The following GASK1B variants were observed in gnomAD, a reference collection of about 807,000 sequenced individuals.
The protein encoded by GASK1B is Golgi-associated kinase 1B.
GASK1B carries 34 observed loss-of-function variants against 42.8 expected under a neutral mutation model. The observed-to-expected ratio is 0.79, with a 90% CI of 0.60 to 1.06. The LOEUF (loss-of-function observed/expected upper bound fraction) is 1.06, where lower values mean the gene tolerates loss of function less well. Ranked by LOEUF, GASK1B falls within the 50% of genes least tolerant of loss-of-function variation. The pLI is 0.00. For missense variants in GASK1B, 686 were observed against 661.0 expected (o/e 1.04, Z -0.42); for synonymous variants, 262 against 259.1 (o/e 1.01, Z -0.11).
chr4:158,146,258 T>C (rs186346999), intron 3 of GASK1B, among the ~76,000 whole-genome samples: 1 of 152,244 alleles, frequency 6.6e-6, no homozygotes, highest in East Asian at 1.9e-4. Context: ...TTGAGAAATT[T>C]ATAGTTTGTC....
chr4:158,147,903 AAAATATAAATAATCAAT>A, intron 3 of GASK1B, among the ~76,000 whole-genome samples: 1 of 152,372 alleles, frequency 6.6e-6, no homozygotes, highest in Non-Finnish European at 1.5e-5. Flanking sequence ...CACAGAAAGT[AAAATATAAATAATCAAT>A]AAATATTTGA....
At chr4:158,152,249 C>T (rs954789890) in intron 3 of GASK1B, among the ~76,000 whole-genome samples, 7 of 152,120 alleles carry the variant, frequency 4.6e-5, no homozygotes, top group Admixed American at 1.3e-4. Context: ...TGTGGGACTT[C>T]ACCTTGTGAT....
At chr4:158,129,140 A>G (rs1164167772) in intron 4 of GASK1B, among the ~76,000 whole-genome samples, 1 of 152,218 alleles carries the variant, frequency 6.6e-6, no homozygotes, top group Admixed American at 6.5e-5. Flanking sequence ...TTATATTTTC[A>G]AAGAAGATTT....
chr4:158,151,494 A>T (rs559030204), intron 3 of GASK1B, among the ~76,000 whole-genome samples: 1 of 152,212 alleles, frequency 6.6e-6, no homozygotes, highest in African/African-American at 2.4e-5. Flanking sequence ...ATGGGGTAAG[A>T]CTATTCCTCA....
At chr4:158,128,947 A>G (rs2346774) in intron 4 of GASK1B, among the ~76,000 whole-genome samples, 135,630 of 152,200 alleles carry the variant, frequency 0.89, 61,361 homozygotes, top group East Asian at 0.98. Flanking sequence ...AACTAATTTA[A>G]CTGTGGCAGA....
At chr4:158,150,802 C>T (rs1272620421) in intron 3 of GASK1B, among the ~76,000 whole-genome samples, 1 of 152,190 alleles carries the variant, frequency 6.6e-6, no homozygotes, top group African/African-American at 2.4e-5. Context: ...GGAGGCAGAA[C>T]TTGGTGGCTG....
At chr4:158,169,878 C>G (rs993858361) in intron 2 of GASK1B, 38 of 201,394 alleles carry the variant, frequency 1.9e-4, no homozygotes, top group African/African-American at 8.4e-4. Flanking sequence ...TAAAACCACA[C>G]AGCTAGTTAG....
intron 3 of GASK1B, among the ~76,000 whole-genome samples, chr4:158,145,505 T>C (rs953060020): frequency 4.6e-5 from 7 of 152,202 alleles, no homozygotes; most frequent in African/African-American, 1.7e-4. Context: ...AACTTTTTCA[T>C]ACCCTCAACC....
chr4:158,170,978 T>A lies in GASK1B; in HGVS notation c.398A>T (p.His133Leu), dbSNP rs142468732. The A allele has an allele frequency of 6.2e-6, 10 of 1,614,230 alleles. No homozygotes were observed. The highest frequency in any genetic ancestry group is 1.7e-5 in the Admixed American group (1 of 60,038). The change falls in exon 2 of 5, where the codon CAT becomes CTT. Residue 133 changes from histidine (H) to leucine (L), a missense_variant. Physicochemically the swap from His to Leu is moderately conservative, Grantham distance 99. Transcript: ENST00000585682. ...CCCTGGGGCAGCCGATGCCACTGCA[T>A]GCTTTTTCCTGCGCTTGGGCTTCAC... ...GTVKPKRRKK[H>L]AVASAAPGQE...
At chr4:158,150,080 C>T (rs1305589046) in intron 3 of GASK1B, among the ~76,000 whole-genome samples, 2 of 151,910 alleles carry the variant, frequency 1.3e-5, no homozygotes, top group East Asian at 3.9e-4. Context: ...CGTCCACCAC[C>T]ATGCCCGGCT....
chr4:158,142,650 C>G (rs769479394), intron 3 of GASK1B, among the ~76,000 whole-genome samples: 2 of 152,118 alleles, frequency 1.3e-5, no homozygotes, highest in Non-Finnish European at 2.9e-5. Flanking sequence ...ATGTGAACAT[C>G]AATAGCTGCT....
At chr4:158,136,118 G>A (rs1191159458) in intron 3 of GASK1B, among the ~76,000 whole-genome samples, 1 of 152,072 alleles carries the variant, frequency 6.6e-6, no homozygotes, top group African/African-American at 2.4e-5. Flanking sequence ...ATCATGAACT[G>A]GTATAAAGTG....
At chr4:158,147,934 T>C (rs939893685) in intron 3 of GASK1B, among the ~76,000 whole-genome samples, 5 of 152,098 alleles carry the variant, frequency 3.3e-5, no homozygotes, top group Admixed American at 1.3e-4. Flanking sequence ...TATTTGAAAA[T>C]AGAGGCTGGG....
In GASK1B at chr4:158,125,367, G is replaced by A. The variant is rs1033638815; in HGVS notation, c.*2040C>T. On this transcript the variant is annotated 3_prime_UTR_variant, in exon 5 of 5. Coordinates refer to ENST00000585682, the MANE Select transcript of GASK1B (RefSeq NM_001128424.2). The stretch of plus-strand genomic sequence containing the variant: ...GTTAAAGCCAGCTTCTAAAAAGCCT[G>A]TTAGTCCTACCATCAATATGATAAA... The A allele has an allele frequency of 5.9e-5, 9 of 151,814 alleles. No individual in the cohort carries two copies. Among genetic ancestry groups the A allele is most frequent in the African/African-American group, 1.7e-4 (7 of 41,394 alleles). The allele number at this position is 151,814 out of a possible 1,614,324, so 9.4% of individuals were successfully genotyped here.
At chr4:158,162,637 A>G (rs1019665469) in intron 2 of GASK1B, among the ~76,000 whole-genome samples, 57 of 152,294 alleles carry the variant, frequency 3.7e-4, no homozygotes, top group Non-Finnish European at 8.1e-4. Flanking sequence ...GTGCTCAACT[A>G]TCCACTCCCA....
intron 2 of GASK1B, among the ~76,000 whole-genome samples, chr4:158,164,310 C>T (rs1283667304): frequency 2.6e-5 from 4 of 152,202 alleles, no homozygotes; most frequent in African/African-American, 9.6e-5. Context: ...GCACATGCAT[C>T]TTTTATGCTG....
At position 158,155,724 on chromosome 4, in the gene GASK1B, A is replaced by T; in HGVS notation, c.1012T>A (p.Leu338Met). 1 of 1,613,874 alleles carries T rather than the reference A, an allele frequency of 6.2e-7. No homozygotes were observed. The highest frequency in any genetic ancestry group is 8.5e-7 in the Non-Finnish European group (1 of 1,179,800). Residue 338 changes from leucine to methionine, a missense_variant, in exon 3 of 5, where the codon TTG becomes ATG. Coordinates refer to ENST00000585682, the MANE Select transcript of GASK1B (RefSeq NM_001128424.2). ...VKLTWGTYQQ[L>M]LKQKCWQNGR... ...TTCTGCCAGCATTTCTGTTTCAGCA[A>T]CTGCTGATAAGTTCCCCAGGTGAGC...
At chr4:158,128,690 GC>G (rs1408245945) in intron 4 of GASK1B, among the ~76,000 whole-genome samples, 1 of 152,192 alleles carries the variant, frequency 6.6e-6, no homozygotes, top group African/African-American at 2.4e-5. Context: ...CACAGAGGGT[GC>G]CCGAAAGCCA....
rs116247919 is a variant in GASK1B, at chr4:158,163,599, C to T, written c.910+6867G>A. ...AAAAAAAAAAAAGAGTGTTAGTATG[C>T]GTTAAGCAATGTTATATTTTATACA... On this transcript the variant is annotated intron_variant, in intron 2 of 4. Coordinates refer to ENST00000585682, the MANE Select transcript of GASK1B (RefSeq NM_001128424.2). Among the ~76,000 whole-genome samples the T allele has an allele frequency of 4.2e-3, 634 of 151,650 alleles. 3 individuals carry two copies. Among genetic ancestry groups the T allele is most frequent in the African/African-American group, 0.015 (605 of 41,388 alleles).
Sources: allele counts gnomAD v4.1 joint callset (sites outside exome capture counted in the v4.1 genomes callset), GRCh38; gene constraint gnomAD v4.1.1; transcripts MANE v1.5; gene names NCBI Gene and HGNC (gene_info 2026-07-23, HGNC 2026-07-21).